Variants in SGCZ observed in about 807,000 individuals in gnomAD.
SGCZ encodes zeta-sarcoglycan.
In SGCZ, 40 loss-of-function variants were observed where a neutral mutation model predicts 41.3. That is an observed-to-expected ratio of 0.97 (90% CI 0.75 to 1.26). The LOEUF (loss-of-function observed/expected upper bound fraction) is 1.26. Among genes scored for constraint, SGCZ ranks in the 50% most tolerant of loss-of-function variants. The pLI, the probability that SGCZ is intolerant of heterozygous loss-of-function variation, is 0.00. For synonymous variants in SGCZ, 206 were observed against 137.5 expected, an observed-to-expected ratio of 1.50 and a Z score of -3.49; for missense variants, 552 against 369.8, an observed-to-expected ratio of 1.49 and a Z score of -4.04.
intron 4 of SGCZ, among the ~76,000 whole-genome samples, chr8:14,219,290 C>T (rs536228999): frequency 2.9e-4 from 44 of 152,234 alleles, no homozygotes; most frequent in African/African-American, 9.4e-4. Flanking sequence ...GGATCTACTA[C>T]GGCTTTTTCA....
intron 1 of SGCZ, among the ~76,000 whole-genome samples, chr8:14,993,275 C>A (rs563163447): frequency 6.6e-6 from 1 of 152,154 alleles, no homozygotes; most frequent in South Asian, 2.1e-4. Flanking sequence ...TTTATTACTG[C>A]TGTATAAAAT....
intron 5 of SGCZ, among the ~76,000 whole-genome samples, chr8:14,159,920 A>T (rs1253026965): frequency 6.6e-6 from 1 of 152,198 alleles, no homozygotes; most frequent in Admixed American, 6.5e-5. Context: ...AATTTAAAAG[A>T]CAGCTCTTCA....
At chr8:14,623,712 G>T (rs1806359162) in intron 1 of SGCZ, among the ~76,000 whole-genome samples, 1 of 152,260 alleles carries the variant, frequency 6.6e-6, no homozygotes. Flanking sequence ...TGAGGAAGCT[G>T]CTTGTCTTTC....
chr8:15,105,964 GT>G (rs1227868405), intron 1 of SGCZ, among the ~76,000 whole-genome samples: 1 of 152,084 alleles, frequency 6.6e-6, no homozygotes, highest in Non-Finnish European at 1.5e-5. Context: ...TAATTAACCT[GT>G]GAAATCTGCT....
intron 1 of SGCZ, among the ~76,000 whole-genome samples, chr8:14,648,942 T>C (rs1807310489): frequency 6.6e-6 from 1 of 152,108 alleles, no homozygotes; most frequent in Non-Finnish European, 1.5e-5. Context: ...TTATTGGAGT[T>C]TGTAGAAATA....
At chr8:15,000,605 T>C (rs1236854509) in intron 1 of SGCZ, among the ~76,000 whole-genome samples, 1 of 152,142 alleles carries the variant, frequency 6.6e-6, no homozygotes, top group Non-Finnish European at 1.5e-5. Flanking sequence ...TTCGCTTCTC[T>C]TTGCCAGCCA....
chr8:15,068,092 G>C (rs1416090487), intron 1 of SGCZ, among the ~76,000 whole-genome samples: 8 of 152,202 alleles, frequency 5.3e-5, no homozygotes, highest in Admixed American at 5.2e-4. Flanking sequence ...GATGCCACTA[G>C]AGGTCTGAAC....
At chr8:14,571,521 C>T (rs1804555622) in intron 1 of SGCZ, among the ~76,000 whole-genome samples, 1 of 152,078 alleles carries the variant, frequency 6.6e-6, no homozygotes, top group African/African-American at 2.4e-5. Flanking sequence ...AGCACATGCT[C>T]CAAAACTTTT....
intron 3 of SGCZ, among the ~76,000 whole-genome samples, chr8:14,276,511 G>C (rs1409303329): frequency 1.2e-4 from 18 of 152,096 alleles, no homozygotes; most frequent in African/African-American, 4.3e-4. Context: ...ACAACAAATA[G>C]TACCTCAACT....
At chr8:14,249,892 T>C (rs990541788) in intron 3 of SGCZ, among the ~76,000 whole-genome samples, 6 of 152,156 alleles carry the variant, frequency 3.9e-5, no homozygotes, top group Non-Finnish European at 8.8e-5. Context: ...TAAGTATGTC[T>C]AGCTAAATCA....
At chr8:14,729,346 C>A (rs184247514) in intron 1 of SGCZ, among the ~76,000 whole-genome samples, 1 of 152,268 alleles carries the variant, frequency 6.6e-6, no homozygotes, top group East Asian at 1.9e-4. Flanking sequence ...CATGCTATTG[C>A]GGACTGAAGT....
intron 3 of SGCZ, among the ~76,000 whole-genome samples, chr8:14,241,303 A>G (rs1054471616): frequency 3.3e-5 from 5 of 151,708 alleles, no homozygotes; most frequent in African/African-American, 7.2e-5. Flanking sequence ...AAGGAGAGAA[A>G]TCTATTTTGT....
chr8:14,645,331 A>G (rs1807171805), intron 1 of SGCZ, among the ~76,000 whole-genome samples: 1 of 150,958 alleles, frequency 6.6e-6, no homozygotes, highest in African/African-American at 2.4e-5. Flanking sequence ...TTAAATTTTT[A>G]CCATTATTAT....
At chr8:14,657,431 T>A (rs1413858627) in intron 1 of SGCZ, among the ~76,000 whole-genome samples, 1 of 152,120 alleles carries the variant, frequency 6.6e-6, no homozygotes, top group Non-Finnish European at 1.5e-5. Context: ...TATTTTGACT[T>A]TTTAAAGTAT....
rs1002753651 is a variant in SGCZ at position 15,120,600 on chromosome 8, T to G, written c.39+116985A>C. 3.9e-5 allele frequency among the ~76,000 whole-genome samples: 6 copies of G among 152,202 alleles called. No individual in the cohort carries two copies. The East Asian group carries it at 1.2e-3, about 29-fold the overall frequency. ...TAATGTTAGCAATCTGGTATTAAGGTGTAGAAATTGTGTTTTGTGATGTAA... is the reference window on the plus strand; with the variant it reads ...TAATGTTAGCAATCTGGTATTAAGGGGTAGAAATTGTGTTTTGTGATGTAA... On this transcript the variant is annotated intron_variant, in intron 1 of 7. Coordinates refer to ENST00000382080, the MANE Select transcript of SGCZ (RefSeq NM_139167.4).
intron 3 of SGCZ, among the ~76,000 whole-genome samples, chr8:14,287,947 T>A (rs1800697594): frequency 6.6e-6 from 1 of 152,116 alleles, no homozygotes; most frequent in South Asian, 2.1e-4. Context: ...TCCTCTTCGG[T>A]GAAGTAAAAC....
intron 1 of SGCZ, among the ~76,000 whole-genome samples, chr8:14,609,848 G>A (rs114306577): frequency 6.6e-6 from 1 of 152,152 alleles, no homozygotes; most frequent in Non-Finnish European, 1.5e-5. Flanking sequence ...GCAGGCTAAT[G>A]TGAAGCAGAG....
At chr8:14,956,792 T>C (rs1800807465) in intron 1 of SGCZ, among the ~76,000 whole-genome samples, 1 of 152,236 alleles carries the variant, frequency 6.6e-6, no homozygotes, top group African/African-American at 2.4e-5. Flanking sequence ...GCCCAGGTTA[T>C]TTTTACATTG....
At chr8:14,364,023 C>A (rs1803616642) in intron 2 of SGCZ, among the ~76,000 whole-genome samples, 1 of 152,044 alleles carries the variant, frequency 6.6e-6, no homozygotes, top group Admixed American at 6.6e-5. Flanking sequence ...TCATTATTTC[C>A]CCTTTTACCT....
Sources: allele counts gnomAD v4.1 joint callset (sites outside exome capture counted in the v4.1 genomes callset), GRCh38; gene constraint gnomAD v4.1.1; transcripts MANE v1.5; gene names NCBI Gene and HGNC (gene_info 2026-07-23, HGNC 2026-07-21).